Variants in RREB1 observed in about 807,000 individuals in gnomAD.
The protein encoded by RREB1 is ras-responsive element-binding protein 1.
RREB1 carries 27 observed loss-of-function variants against 117.8 expected under a neutral mutation model. That is an observed-to-expected ratio of 0.23 (90% CI 0.17 to 0.32). The LOEUF is 0.32. Among genes scored for constraint, RREB1 ranks in the 10% least tolerant of loss-of-function variants. RREB1 has a pLI of 1.00. For missense variants in RREB1, 2,577 were observed against 2,378.2 expected, an observed-to-expected ratio of 1.08 and a Z score of -1.74; for synonymous variants, 1,298 against 1,026.7, an observed-to-expected ratio of 1.26 and a Z score of -5.05.
chr6:7,200,709 G>A (rs1464091746), intron 6 of RREB1, among the ~76,000 whole-genome samples: 1 of 152,214 alleles, frequency 6.6e-6, no homozygotes, highest in Non-Finnish European at 1.5e-5. Context: ...AACTGTCCAA[G>A]TGGACACTGT....
At chr6:7,162,812 T>C (rs528675609) in intron 1 of RREB1, among the ~76,000 whole-genome samples, 2 of 152,276 alleles carry the variant, frequency 1.3e-5, no homozygotes, top group East Asian at 3.9e-4. Flanking sequence ...CTGAGTAGAC[T>C]GCTCCCCTTT....
At chr6:7,128,259 G>A (rs561113766) in intron 1 of RREB1, among the ~76,000 whole-genome samples, 51 of 152,206 alleles carry the variant, frequency 3.4e-4, no homozygotes, top group South Asian at 1.5e-3. Flanking sequence ...AATTGTTGGC[G>A]AACATTTTTT....
intron 6 of RREB1, among the ~76,000 whole-genome samples, chr6:7,199,870 T>C (rs538639543): frequency 6.6e-6 from 1 of 152,160 alleles, no homozygotes; most frequent in Non-Finnish European, 1.5e-5. Flanking sequence ...TTAATACTAT[T>C]AGATGAGATT....
At chr6:7,244,654 T>C (rs141230673) in intron 11 of RREB1, among the ~76,000 whole-genome samples, 141 of 152,350 alleles carry the variant, frequency 9.3e-4, no homozygotes, top group African/African-American at 3.3e-3. Flanking sequence ...CACACCATAA[T>C]ATTTCTTTCT....
intron 1 of RREB1, among the ~76,000 whole-genome samples, chr6:7,155,669 G>A (rs559349534): frequency 7.9e-5 from 12 of 152,240 alleles, no homozygotes; most frequent in Non-Finnish European, 1.8e-4. Context: ...TGATAAAATA[G>A]TTTCCTCCCC....
intron 1 of RREB1, among the ~76,000 whole-genome samples, chr6:7,129,413 T>C (rs1762064419): frequency 6.6e-6 from 1 of 152,252 alleles, no homozygotes; most frequent in Non-Finnish European, 1.5e-5. Context: ...ACAGTTGGCC[T>C]GCTTAGGCCT....
At chr6:7,240,362 A>T in intron 10 of RREB1, 76 bp from the exon 11 acceptor site, 1 of 1,249,252 alleles carries the variant, frequency 8.0e-7, no homozygotes, top group Non-Finnish European at 1.1e-6. Flanking sequence ...TGATCCCAGG[A>T]GAATAAACAA....
intron 1 of RREB1, among the ~76,000 whole-genome samples, chr6:7,113,836 T>A (rs1178204448): frequency 6.6e-6 from 1 of 152,256 alleles, no homozygotes; most frequent in Non-Finnish European, 1.5e-5. Flanking sequence ...TTTCTGTTGA[T>A]GAACTGTGAT....
chr6:7,249,793 TTATTAA>T lies in RREB1; in HGVS notation c.*831_*836del, dbSNP rs1388230473. On this transcript the variant is annotated 3_prime_UTR_variant, in exon 13 of 13. Transcript: ENST00000379938. ...CTCCTCTTCCCTTTCAGTATATGTA[TTATTAA>T]TATTATTATTATTATTATTATTATT... 4 of 150,874 alleles carry T rather than the reference TTATTAA, an allele frequency of 2.7e-5. No individual in the cohort carries two copies. Among genetic ancestry groups the T allele is most frequent in the African/African-American group, 4.9e-5 (2 of 40,606 alleles). 9.3% of individuals were successfully genotyped at this position (150,874 alleles called of 1,614,324 possible).
intron 1 of RREB1, among the ~76,000 whole-genome samples, chr6:7,167,305 A>G (rs553066553): frequency 4.6e-5 from 7 of 151,892 alleles, no homozygotes; most frequent in African/African-American, 1.7e-4. Flanking sequence ...GGAAAAGCCA[A>G]ATTATATTTA....
intron 1 of RREB1, among the ~76,000 whole-genome samples, chr6:7,129,767 G>A (rs1762076429): frequency 1.3e-5 from 2 of 152,256 alleles, no homozygotes; most frequent in Admixed American, 6.5e-5. Flanking sequence ...GGGCAGCAGG[G>A]AACCTGGGTT....
chr6:7,164,186 C>T (rs72816936), intron 1 of RREB1, among the ~76,000 whole-genome samples: 3,974 of 152,252 alleles, frequency 0.026, 77 homozygotes, highest in Non-Finnish European at 0.04. Context: ...GGAGAGTTGG[C>T]GCAGAAATTC....
At chr6:7,124,171 T>G (rs1412910197) in intron 1 of RREB1, among the ~76,000 whole-genome samples, 1 of 152,178 alleles carries the variant, frequency 6.6e-6, no homozygotes, top group Non-Finnish European at 1.5e-5. Context: ...TTGATATAGA[T>G]GTGGCAAACA....
chr6:7,204,259 T>TG (rs1436870565), intron 6 of RREB1, among the ~76,000 whole-genome samples: 1 of 152,066 alleles, frequency 6.6e-6, no homozygotes, highest in African/African-American at 2.4e-5. Context: ...ACTTTACAGG[T>TG]GGGGCCACAC....
chr6:7,138,737 T>C (rs1241707553), intron 1 of RREB1, among the ~76,000 whole-genome samples: 1 of 152,230 alleles, frequency 6.6e-6, no homozygotes, highest in Non-Finnish European at 1.5e-5. Context: ...TGCTAGCATA[T>C]TGGGACAAAA....
At chr6:7,142,518 C>G (rs1194440418) in intron 1 of RREB1, among the ~76,000 whole-genome samples, 1 of 152,262 alleles carries the variant, frequency 6.6e-6, no homozygotes, top group Non-Finnish European at 1.5e-5. Flanking sequence ...TCAGGCTGTT[C>G]CGGTGGCTAA....
At chr6:7,147,854 GAA>G (rs78572202) in intron 1 of RREB1, among the ~76,000 whole-genome samples, 1 of 138,886 alleles carries the variant, frequency 7.2e-6, no homozygotes, top group African/African-American at 2.6e-5. Flanking sequence ...GTGAGTTCAG[GAA>G]AAAAAAAAAA....
At chr6:7,213,869 A>G in intron 8 of RREB1, 1 of 152,250 alleles carries the variant, frequency 6.6e-6, no homozygotes, top group East Asian at 1.9e-4. Context: ...CTTAGAAACT[A>G]TTATTTACCC....
At chr6:7,180,058 T>A (rs1371588871) in intron 2 of RREB1, among the ~76,000 whole-genome samples, 2 of 152,186 alleles carry the variant, frequency 1.3e-5, no homozygotes, top group Non-Finnish European at 2.9e-5. Flanking sequence ...GTAGCTTTCT[T>A]CTCTTTATGG....
Sources: gnomAD v4.1 joint callset for allele counts (sites outside exome capture counted in the v4.1 genomes callset) on GRCh38, gnomAD v4.1.1 for gene constraint, MANE v1.5 for transcripts, NCBI Gene and HGNC (gene_info 2026-07-23, HGNC 2026-07-21) for gene names.